USP34: variants seen among roughly 807,000 people sequenced by gnomAD.
The protein encoded by USP34 is ubiquitin specific peptidase 34.
USP34 carries 70 observed loss-of-function variants against 460.3 expected under a neutral mutation model. The ratio of observed to expected loss-of-function variants is 0.15; its 90% CI spans 0.13 to 0.19. USP34 has a LOEUF of 0.19. Among genes scored for constraint, USP34 ranks in the 10% least tolerant of loss-of-function variants. The pLI is 1.00. For synonymous variants in USP34, 1,647 were observed against 1,405.3 expected (o/e 1.17, Z -3.85); for missense variants, 3,985 against 4,236.2 (o/e 0.94, Z 1.65).
chr2:61,246,238 G>A (rs1449308369), intron 50 of USP34, 86 bp downstream of exon 50: 3 of 1,175,770 alleles, frequency 2.6e-6, no homozygotes, highest in Non-Finnish European at 3.3e-6. Flanking sequence ...AACTTTTGTG[G>A]CAAGTTTTTA....
chr2:61,346,785 T>C lies in USP34; in HGVS notation c.2285+1085A>G, dbSNP rs1451267048. Among the ~76,000 whole-genome samples, 6 of 138,142 alleles carry C rather than the reference T, an allele frequency of 4.3e-5. No homozygotes were observed. In the South Asian group the frequency reaches 7.2e-4, roughly 17 times the overall value. The allele number at this position is 138,142 out of a possible 152,430, so 90.6% of individuals were successfully genotyped here. On this transcript the variant is annotated intron_variant, in intron 15 of 79. Transcript: ENST00000398571. ...AGACGGAGGTTGCAGTGAGCCAAGA[T>C]TGTGCCACTGCACTCCAGCCTGGGT...
intron 69 of USP34, among the ~76,000 whole-genome samples, chr2:61,211,064 A>G (rs1329771082): frequency 6.6e-6 from 1 of 152,202 alleles, no homozygotes; most frequent in Admixed American, 6.5e-5. Context: ...TTCCCTGTTT[A>G]CTAATGAAGA....
intron 41 of USP34, among the ~76,000 whole-genome samples, chr2:61,267,599 C>A (rs1470697970): frequency 1.3e-5 from 2 of 151,962 alleles, no homozygotes; most frequent in Non-Finnish European, 2.9e-5. Context: ...CCTGCCACTA[C>A]ACCCAGCTAA....
chr2:61,318,864 T>C, intron 22 of USP34, among the ~76,000 whole-genome samples: 1 of 152,192 alleles, frequency 6.6e-6, no homozygotes, highest in East Asian at 1.9e-4. Flanking sequence ...GACTACAATA[T>C]TACTGATTAT....
chr2:61,361,615 A>G (rs1349588739), intron 10 of USP34, among the ~76,000 whole-genome samples: 2 of 133,220 alleles, frequency 1.5e-5, no homozygotes. Flanking sequence ...CACATACAGA[A>G]TGAAACTGGA....
chr2:61,224,971 T>C (rs1182327042), intron 62 of USP34, among the ~76,000 whole-genome samples: 1 of 152,182 alleles, frequency 6.6e-6, no homozygotes, highest in Non-Finnish European at 1.5e-5. Context: ...TAGTCGTTTT[T>C]CCAAGGAACC....
At chr2:61,290,312 T>C (rs978108748) in intron 33 of USP34, among the ~76,000 whole-genome samples, 4 of 152,178 alleles carry the variant, frequency 2.6e-5, no homozygotes, top group Non-Finnish European at 5.9e-5. Context: ...ACACTTACCA[T>C]ATTATTTAGC....
chr2:61,411,317 G>A (rs1351443864), intron 2 of USP34, among the ~76,000 whole-genome samples: 1 of 151,182 alleles, frequency 6.6e-6, no homozygotes, highest in Non-Finnish European at 1.5e-5. Flanking sequence ...AGGAGGTCAA[G>A]GTTGCAGTGA....
chr2:61,303,570 G>A (rs904573064), intron 27 of USP34, among the ~76,000 whole-genome samples: 1 of 151,922 alleles, frequency 6.6e-6, no homozygotes, highest in African/African-American at 2.4e-5. Flanking sequence ...AAAAGCTTTG[G>A]CTACTGGATG....
chr2:61,291,577 A>G (rs1479203154), intron 33 of USP34, among the ~76,000 whole-genome samples: 3 of 152,192 alleles, frequency 2.0e-5, no homozygotes, highest in Non-Finnish European at 4.4e-5. Context: ...TTTATGAATG[A>G]ATGTGTTTGT....
intron 1 of USP34, among the ~76,000 whole-genome samples, chr2:61,429,442 G>A (rs1033337204): frequency 2.4e-4 from 37 of 152,134 alleles, no homozygotes; most frequent in African/African-American, 6.3e-4. Context: ...GCGAGACTCC[G>A]TCTCAAAAAA....
At chr2:61,339,744 C>A in intron 16 of USP34, 63 bp from the exon 17 acceptor site, 1 of 839,574 alleles carries the variant, frequency 1.2e-6, no homozygotes. Flanking sequence ...TTATAGCATT[C>A]ATATGGTTAG....
rs535773261 is a variant in USP34, at chr2:61,219,763, T to C, written c.8047+547A>G. On this transcript the variant is annotated intron_variant, in intron 67 of 79. Coordinates refer to ENST00000398571, the MANE Select transcript of USP34 (RefSeq NM_014709.4). Reference sequence around the variant, plus strand: ...CTGTAGGGCCTTCTCAGCAAATAGATAGAAAATGTTTATAATAAGAAATTT... The same window carrying C: ...CTGTAGGGCCTTCTCAGCAAATAGACAGAAAATGTTTATAATAAGAAATTT... 1.8e-4 allele frequency among the ~76,000 whole-genome samples: 27 copies of C among 152,200 alleles called. 1 individual carries two copies. In the South Asian group the frequency reaches 3.3e-3, roughly 19 times the overall value.
chr2:61,386,846 G>A (rs1693161756), intron 5 of USP34, among the ~76,000 whole-genome samples: 1 of 152,076 alleles, frequency 6.6e-6, no homozygotes, highest in Non-Finnish European at 1.5e-5. Context: ...AGTTAAAAAT[G>A]ACTTTTTCAA....
intron 67 of USP34, among the ~76,000 whole-genome samples, chr2:61,218,264 G>C (rs1452113199): frequency 1.4e-5 from 2 of 147,812 alleles, no homozygotes; most frequent in Non-Finnish European, 3.0e-5. Flanking sequence ...ATAGCTCTTG[G>C]CTGTGTGCTC....
chr2:61,410,660 T>C (rs1694010237), intron 2 of USP34, among the ~76,000 whole-genome samples: 1 of 151,608 alleles, frequency 6.6e-6, no homozygotes, highest in South Asian at 2.1e-4. Flanking sequence ...ATTTTACACA[T>C]AAACTTTACT....
intron 5 of USP34, among the ~76,000 whole-genome samples, chr2:61,392,733 A>G (rs1283071540): frequency 1.3e-5 from 2 of 152,276 alleles, no homozygotes; most frequent in Non-Finnish European, 2.9e-5. Context: ...AACAAGAATT[A>G]GTACAAATAA....
chr2:61,358,898 C>G (rs550488769), intron 10 of USP34, among the ~76,000 whole-genome samples: 1 of 152,264 alleles, frequency 6.6e-6, no homozygotes, highest in African/African-American at 2.4e-5. Flanking sequence ...AGGAACAAAT[C>G]TAACCAAAGA....
At chr2:61,353,650 T>TA (rs1370823027) in intron 10 of USP34, among the ~76,000 whole-genome samples, 1 of 151,846 alleles carries the variant, frequency 6.6e-6, no homozygotes, top group Non-Finnish European at 1.5e-5. Flanking sequence ...AGGCTGGTCT[T>TA]AAACTTCTGA....
Sources: allele counts gnomAD v4.1 joint callset (sites outside exome capture counted in the v4.1 genomes callset), GRCh38; gene constraint gnomAD v4.1.1; transcripts MANE v1.5; gene names NCBI Gene and HGNC (gene_info 2026-07-23, HGNC 2026-07-21).